The following KIAA0040 variants were observed in gnomAD, a reference collection of about 807,000 sequenced individuals.
The protein encoded by KIAA0040 is KIAA0040.
In KIAA0040, 10 loss-of-function variants were observed where a neutral mutation model predicts 7.2. The ratio of observed to expected loss-of-function variants is 1.38; its 90% CI spans 0.85 to 2.34. The LOEUF is 2.34. KIAA0040 is among the 30% of genes most tolerant of loss of function. The probability of loss-of-function intolerance (pLI) is 0.00; values close to 1 mark genes in which losing one functional copy is unlikely to be tolerated. For missense variants in KIAA0040, 89 were observed against 108.2 expected (o/e 0.82, Z 0.79); for synonymous variants, 49 against 40.1 (o/e 1.22, Z -0.84).
chr1:175,178,075 A>G (rs755593791), intron 1 of KIAA0040, among the ~76,000 whole-genome samples: 3 of 152,270 alleles, frequency 2.0e-5, no homozygotes, highest in Non-Finnish European at 4.4e-5. Context: ...CCTCCAACCC[A>G]GAATGGCTGG....
chr1:175,163,925 G>C (rs1676651589), intron 3 of KIAA0040, among the ~76,000 whole-genome samples: 2 of 152,136 alleles, frequency 1.3e-5, no homozygotes, highest in South Asian at 4.1e-4. Flanking sequence ...GCCACCTGGG[G>C]GACGACCTTG....
Position 175,192,644 on chromosome 1 carries a change from CG to C in KIAA0040, c.-389del, listed in dbSNP as rs1558405107. ...ACAGAAAGTCCTGAAACTCACCTTT[CG>C]GTCCGCGGAAGGGCTTCCTGCAGGC... On this transcript the variant is annotated 5_prime_UTR_variant, in exon 1 of 4. Coordinates refer to ENST00000423313, the MANE Select transcript of KIAA0040 (RefSeq NM_014656.3). The C allele has an allele frequency of 6.6e-6, 1 of 152,290 alleles. No homozygotes were observed. The highest frequency in any genetic ancestry group is 3.4e-3 in the Middle Eastern group (1 of 294). 9.4% of individuals were successfully genotyped at this position (152,290 alleles called of 1,614,324 possible). A position where few individuals can be genotyped will look rare whatever the true frequency, so the allele number is the denominator to read the frequency against.
chr1:175,191,742 G>A (rs913327462), intron 1 of KIAA0040, among the ~76,000 whole-genome samples: 3 of 152,206 alleles, frequency 2.0e-5, no homozygotes, highest in African/African-American at 4.8e-5. Flanking sequence ...AGGTCCTTAT[G>A]AGCTGTAGCT....
In KIAA0040 at chr1:175,170,611, G is replaced by A. The variant is rs114703020; in HGVS notation, c.-309-3874C>T. Among the ~76,000 whole-genome samples, 153 of 152,216 alleles carry A rather than the reference G, an allele frequency of 1.0e-3. 1 individual carries two copies. Among genetic ancestry groups the A allele is most frequent in the African/African-American group, 3.5e-3 (145 of 41,510 alleles). ...TGAATTCCTTCAACACTCGGACTAAGCTTCTCTCCTGGGCTTTACCTCCCC... is the reference window on the plus strand; with the variant it reads ...TGAATTCCTTCAACACTCGGACTAAACTTCTCTCCTGGGCTTTACCTCCCC... On this transcript the variant is annotated intron_variant, in intron 2 of 3. Coordinates refer to ENST00000423313, the MANE Select transcript of KIAA0040 (RefSeq NM_014656.3).
chr1:175,167,104 T>C lies in KIAA0040; in HGVS notation c.-309-367A>G, dbSNP rs111318791. 2.5e-3 allele frequency among the ~76,000 whole-genome samples: 387 copies of C among 152,114 alleles called. 4 individuals are homozygous for C. Among genetic ancestry groups the C allele is most frequent in the African/African-American group, 9.0e-3 (374 of 41,474 alleles). The stretch of plus-strand genomic sequence containing the variant: ...CCACGAACAAGACCCCACGATGCTA[T>C]GAAAGGGGAAACAGGGAGGTTAGGA... On this transcript the variant is annotated intron_variant, in intron 2 of 3. Transcript: ENST00000423313.
chr1:175,163,504 C>T (rs1302215302), intron 3 of KIAA0040, among the ~76,000 whole-genome samples: 6 of 152,224 alleles, frequency 3.9e-5, no homozygotes, highest in Non-Finnish European at 8.8e-5. Context: ...GATCTGCCCA[C>T]ACACCATCAA....
chr1:175,165,199 G>A (rs1571189494), intron 3 of KIAA0040, among the ~76,000 whole-genome samples: 2 of 152,182 alleles, frequency 1.3e-5, no homozygotes, highest in East Asian at 3.8e-4. Context: ...TGTATGAGGT[G>A]ACGATGGGAA....
At chr1:175,184,295 G>C (rs1677568061) in intron 1 of KIAA0040, among the ~76,000 whole-genome samples, 2 of 152,186 alleles carry the variant, frequency 1.3e-5, no homozygotes, top group Admixed American at 1.3e-4. Flanking sequence ...AGATTTCCCA[G>C]TTCATTTCTT....
Position 175,159,451 on chromosome 1 carries a change from A to G in KIAA0040, c.*1263T>C, listed in dbSNP as rs974892985. ...TTACCCTTAACAACATCACATATCCAACAGTAACCACAGTTAGTTATAAGT... is the reference window on the plus strand; with the variant it reads ...TTACCCTTAACAACATCACATATCCGACAGTAACCACAGTTAGTTATAAGT... On this transcript the variant is annotated 3_prime_UTR_variant, in exon 4 of 4. Transcript: ENST00000423313. The G allele has an allele frequency of 6.6e-6, 1 of 152,282 alleles. No homozygotes were observed. The highest frequency in any genetic ancestry group is 2.4e-5 in the African/African-American group (1 of 41,466). 9.4% of individuals were successfully genotyped at this position (152,282 alleles called of 1,614,324 possible).
At chr1:175,183,047 C>T (rs1205032535) in intron 1 of KIAA0040, among the ~76,000 whole-genome samples, 7 of 152,192 alleles carry the variant, frequency 4.6e-5, no homozygotes, top group African/African-American at 1.2e-4. Context: ...TGACGCAAAG[C>T]GCCCTCTAAA....
chr1:175,184,796 C>T (rs2101907809), intron 1 of KIAA0040, among the ~76,000 whole-genome samples: 1 of 152,310 alleles, frequency 6.6e-6, no homozygotes, highest in East Asian at 1.9e-4. Context: ...AGTCTACAGC[C>T]TAGGGCCAGG....
intron 1 of KIAA0040, among the ~76,000 whole-genome samples, chr1:175,182,997 T>C (rs1677499289): frequency 6.6e-6 from 1 of 152,200 alleles, no homozygotes; most frequent in Non-Finnish European, 1.5e-5. Flanking sequence ...CACTGTTCCA[T>C]TATTTCAGAG....
chr1:175,161,127 G>GATAC lies in KIAA0040; in HGVS notation c.-115_-114insGTAT. ...TTATTCCTCTTCCAGCTTTGGGTTTGGGCATGCCACTGGCAGCACCTGAAG... is the reference window on the plus strand; with the variant it reads ...TTATTCCTCTTCCAGCTTTGGGTTTGATACGGCATGCCACTGGCAGCACCTGAAG... On this transcript the variant is annotated 5_prime_UTR_variant, in exon 4 of 4. It introduces an in-frame stop codon into an upstream open reading frame of the 5' UTR. Coordinates refer to ENST00000423313, the MANE Select transcript of KIAA0040 (RefSeq NM_014656.3). 6 of 1,006,714 alleles carry GATAC rather than the reference G, an allele frequency of 6.0e-6. No homozygotes were observed. Among genetic ancestry groups the GATAC allele is most frequent in the Admixed American group, 2.9e-5 (1 of 34,986 alleles). The allele number at this position is 1,006,714 out of a possible 1,614,324, so 62.4% of individuals were successfully genotyped here.
At chr1:175,165,613 G>A (rs944778445) in intron 3 of KIAA0040, among the ~76,000 whole-genome samples, 1 of 152,224 alleles carries the variant, frequency 6.6e-6, no homozygotes, top group African/African-American at 2.4e-5. Context: ...GAAATCAGAT[G>A]GAGAGCGGTC....
chr1:175,190,213 C>T (rs1480956244), intron 1 of KIAA0040, among the ~76,000 whole-genome samples: 1 of 152,198 alleles, frequency 6.6e-6, no homozygotes, highest in Non-Finnish European at 1.5e-5. Flanking sequence ...GAATTCTCTT[C>T]TTTATTTTAG....
chr1:175,163,024 C>CT (rs1237859399), intron 3 of KIAA0040, among the ~76,000 whole-genome samples: 1 of 152,210 alleles, frequency 6.6e-6, no homozygotes, highest in Non-Finnish European at 1.5e-5. Flanking sequence ...GTTCCCCCAT[C>CT]CTGCAGCTGA....
At chr1:175,188,973 T>C (rs1430873689) in intron 1 of KIAA0040, among the ~76,000 whole-genome samples, 1 of 152,208 alleles carries the variant, frequency 6.6e-6, no homozygotes, top group Non-Finnish European at 1.5e-5. Context: ...CAGAGGCAGA[T>C]GGAACTTGGA....
chr1:175,182,838 A>G (rs779350587), intron 1 of KIAA0040, among the ~76,000 whole-genome samples: 10 of 152,260 alleles, frequency 6.6e-5, no homozygotes, highest in Non-Finnish European at 1.5e-4. Flanking sequence ...TGCCTGGCAC[A>G]GAGCACATCT....
intron 1 of KIAA0040, among the ~76,000 whole-genome samples, chr1:175,187,481 G>A (rs984770955): frequency 6.6e-6 from 1 of 152,118 alleles, no homozygotes; most frequent in African/African-American, 2.4e-5. Context: ...TGGCCCATGG[G>A]GCTGCAGAGG....
Sources: allele counts gnomAD v4.1 joint callset (sites outside exome capture counted in the v4.1 genomes callset), GRCh38; gene constraint gnomAD v4.1.1; transcripts MANE v1.5; gene names NCBI Gene and HGNC (gene_info 2026-07-23, HGNC 2026-07-21).